HPSE2: variants seen among roughly 807,000 people sequenced by gnomAD.
HPSE2 encodes heparanase 2 (inactive).
HPSE2 carries 38 observed loss-of-function variants against 60.5 expected under a neutral mutation model. The ratio of observed to expected loss-of-function variants is 0.63; its 90% confidence interval spans 0.48 to 0.82. HPSE2 has a LOEUF of 0.82. Among genes scored for constraint, HPSE2 ranks in the 40% least tolerant of loss-of-function variants. The pLI, the probability that HPSE2 is intolerant of heterozygous loss-of-function variation, is 0.00. For synonymous variants in HPSE2, 295 were observed against 293.2 expected (o/e 1.01, Z -0.06); for missense variants, 713 against 740.4 (o/e 0.96, Z 0.43).
intron 3 of HPSE2, among the ~76,000 whole-genome samples, chr10:98,960,740 A>ATTTTTTTTTTTTTTTTTTT (rs63389761): frequency 1.0e-5 from 1 of 95,918 alleles, no homozygotes; most frequent in Non-Finnish European, 1.9e-5. Flanking sequence ...TTTTTATTTT[A>ATTTTTTTTTTTTTTTTTTT]TTTTTTTTTT....
At chr10:98,530,334 C>T (rs996320228) in intron 9 of HPSE2, among the ~76,000 whole-genome samples, 5 of 152,140 alleles carry the variant, frequency 3.3e-5, no homozygotes, top group African/African-American at 1.2e-4. Flanking sequence ...AAAGGATCAC[C>T]CAGAGGGCTT....
intron 3 of HPSE2, among the ~76,000 whole-genome samples, chr10:99,100,464 TA>T (rs1186598109): frequency 1.3e-5 from 2 of 151,878 alleles, no homozygotes; most frequent in African/African-American, 4.8e-5. Context: ...AAGAAACAAA[TA>T]AAACCTCCAA....
chr10:99,024,064 G>A (rs1016036217), intron 3 of HPSE2, among the ~76,000 whole-genome samples: 48 of 152,128 alleles, frequency 3.2e-4, no homozygotes, highest in Non-Finnish European at 5.7e-4. Flanking sequence ...ATTCAAAATC[G>A]CTGTGTGAGG....
chr10:98,522,684 G>A (rs1396965901), intron 9 of HPSE2, among the ~76,000 whole-genome samples: 1 of 152,094 alleles, frequency 6.6e-6, no homozygotes, highest in Non-Finnish European at 1.5e-5. Flanking sequence ...TACCATATTG[G>A]CCAGGCTGGT....
chr10:98,757,886 A>G (rs1443022675), intron 3 of HPSE2, among the ~76,000 whole-genome samples: 1 of 152,200 alleles, frequency 6.6e-6, no homozygotes, highest in Non-Finnish European at 1.5e-5. Flanking sequence ...AGCCAAAGCA[A>G]TCCTAAACAA....
At chr10:99,272,727 C>T in the HPSE2 span, among the ~76,000 whole-genome samples, 4 of 152,026 alleles carry the variant, frequency 2.6e-5, no homozygotes, top group Non-Finnish European at 4.4e-5. Context: ...TGCGATACCA[C>T]CTTACTCCTG....
the HPSE2 span, among the ~76,000 whole-genome samples, chr10:99,298,297 T>C: frequency 1.3e-5 from 2 of 152,256 alleles, no homozygotes; most frequent in African/African-American, 4.8e-5. Flanking sequence ...CATTTGAAGC[T>C]TGTAATCTAC....
intron 3 of HPSE2, among the ~76,000 whole-genome samples, chr10:98,844,176 G>A (rs946368301): frequency 6.6e-6 from 1 of 152,140 alleles, no homozygotes; most frequent in African/African-American, 2.4e-5. Flanking sequence ...GATCTCTGAG[G>A]TCTCTTCCAG....
chr10:98,702,360 T>C (rs962883253), intron 5 of HPSE2, among the ~76,000 whole-genome samples: 6 of 152,136 alleles, frequency 3.9e-5, no homozygotes, highest in Admixed American at 1.3e-4. Context: ...ATAATAATAG[T>C]GGGAGACTTT....
At chr10:98,512,901 C>T (rs1272891560) in intron 9 of HPSE2, among the ~76,000 whole-genome samples, 1 of 151,678 alleles carries the variant, frequency 6.6e-6, no homozygotes, top group Non-Finnish European at 1.5e-5. Flanking sequence ...CCCATGGAAG[C>T]CTTCTTGGAC....
intron 5 of HPSE2, among the ~76,000 whole-genome samples, chr10:98,701,269 A>G (rs1305730286): frequency 1.5e-5 from 2 of 131,354 alleles, no homozygotes; most frequent in Non-Finnish European, 3.3e-5. Flanking sequence ...GACTGGATTA[A>G]GAAAATGTGG....
intron 3 of HPSE2, among the ~76,000 whole-genome samples, chr10:99,092,804 A>G (rs1387360990): frequency 6.6e-6 from 1 of 152,238 alleles, no homozygotes; most frequent in Non-Finnish European, 1.5e-5. Context: ...CCTAGGACAT[A>G]GTAGACATCA....
chr10:99,003,150 A>G (rs1184120159), intron 3 of HPSE2, among the ~76,000 whole-genome samples: 1 of 152,052 alleles, frequency 6.6e-6, no homozygotes, highest in Non-Finnish European at 1.5e-5. Context: ...AATGTCCTCC[A>G]TGTTCATCCA....
intron 3 of HPSE2, among the ~76,000 whole-genome samples, chr10:99,062,201 T>G (rs1842467118): frequency 6.6e-6 from 1 of 152,226 alleles, no homozygotes; most frequent in Non-Finnish European, 1.5e-5. Context: ...GATTTCTTTA[T>G]TTGATAACTC....
intron 9 of HPSE2, among the ~76,000 whole-genome samples, chr10:98,544,948 G>A (rs1943614917): frequency 6.6e-6 from 1 of 151,932 alleles, no homozygotes; most frequent in South Asian, 2.1e-4. Context: ...TCAAATAGAT[G>A]CAATAAAAAA....
At chr10:98,551,570 C>T (rs991460947) in intron 9 of HPSE2, among the ~76,000 whole-genome samples, 3 of 152,158 alleles carry the variant, frequency 2.0e-5, no homozygotes, top group Admixed American at 1.3e-4. Flanking sequence ...GAGACGCAAA[C>T]TGGCTGACAC....
At chr10:99,161,057 C>CA (rs1446684360) in intron 2 of HPSE2, among the ~76,000 whole-genome samples, 2 of 151,596 alleles carry the variant, frequency 1.3e-5, no homozygotes, top group South Asian at 2.1e-4. Flanking sequence ...CCCATCTGTA[C>CA]AAAAAATTTA....
chr10:99,211,070 G>A (rs1206968604), intron 2 of HPSE2, among the ~76,000 whole-genome samples: 1 of 151,938 alleles, frequency 6.6e-6, no homozygotes, highest in East Asian at 1.9e-4. Flanking sequence ...TAAAGTTGCA[G>A]GGTACAAAAT....
chr10:98,966,747 T>A (rs892394337), intron 3 of HPSE2, among the ~76,000 whole-genome samples: 1 of 152,120 alleles, frequency 6.6e-6, no homozygotes, highest in African/African-American at 2.4e-5. Flanking sequence ...AATAACAATA[T>A]ATTGCATTTT....
Sources: gnomAD v4.1 joint callset for allele counts (sites outside exome capture counted in the v4.1 genomes callset) on GRCh38, gnomAD v4.1.1 for gene constraint, MANE v1.5 for transcripts, NCBI Gene and HGNC (gene_info 2026-07-23, HGNC 2026-07-21) for gene names.